PALM2AKAP2: variants seen among roughly 807,000 people sequenced by gnomAD.
PALM2AKAP2 encodes the protein PALM2-AKAP2 fusion protein.
PALM2AKAP2 carries 37 observed loss-of-function variants against 71.5 expected under a neutral mutation model. The observed-to-expected ratio is 0.52, with a 90% CI of 0.40 to 0.68. The LOEUF (loss-of-function observed/expected upper bound fraction) is 0.68. Among genes scored for constraint, PALM2AKAP2 ranks in the 30% least tolerant of loss-of-function variants. The probability of loss-of-function intolerance (pLI) is 0.00; values close to 1 mark genes in which losing one functional copy is unlikely to be tolerated. For synonymous variants in PALM2AKAP2, 468 were observed against 478.8 expected, an observed-to-expected ratio of 0.98 and a Z score of 0.29; for missense variants, 1,224 against 1,191.8, an observed-to-expected ratio of 1.03 and a Z score of -0.40.
At chr9:109,960,262 C>T (rs1831828854) in intron 6 of PALM2AKAP2, among the ~76,000 whole-genome samples, 2 of 152,352 alleles carry the variant, frequency 1.3e-5, no homozygotes, top group South Asian at 2.1e-4. Context: ...CTGCCCCCTG[C>T]ACCCACCCAC....
intron 5 of PALM2AKAP2, among the ~76,000 whole-genome samples, chr9:109,927,399 T>A (rs1374632187): frequency 6.6e-6 from 1 of 152,160 alleles, no homozygotes; most frequent in Non-Finnish European, 1.5e-5. Flanking sequence ...TAACCAGATA[T>A]TATTATAGAA....
At chr9:110,126,071 T>G (rs753361404) in intron 1 of PALM2AKAP2, among the ~76,000 whole-genome samples, 2 of 152,102 alleles carry the variant, frequency 1.3e-5, no homozygotes, top group Admixed American at 6.6e-5. Context: ...CTCACCACAT[T>G]CACAGGGTGG....
intron 1 of PALM2AKAP2, among the ~76,000 whole-genome samples, chr9:110,057,415 C>A (rs1422668420): frequency 7.0e-6 from 1 of 143,694 alleles, no homozygotes; most frequent in African/African-American, 2.6e-5. Flanking sequence ...CAGAGACTCG[C>A]TCTGCCATGC....
chr9:109,825,484 C>A (rs1249442280), intron 1 of PALM2AKAP2, among the ~76,000 whole-genome samples: 3 of 152,172 alleles, frequency 2.0e-5, no homozygotes, highest in Non-Finnish European at 4.4e-5. Context: ...GGCTAATATC[C>A]AGAATCTACA....
In PALM2AKAP2 at chr9:110,055,717, G is replaced by A. The variant is rs111835717; in HGVS notation, c.156+6862G>A. Among the ~76,000 whole-genome samples, 978 of 152,204 alleles carry A rather than the reference G, an allele frequency of 6.4e-3. 12 individuals carry two copies. Among genetic ancestry groups the A allele is most frequent in the South Asian group, 0.047 (224 of 4,816 alleles). ...GAGTATGGATAAACAGTGATGCTAG[G>A]GCAGTTTTTCCAGGGTTGTCAGAAA... On this transcript the variant is annotated intron_variant, in intron 1 of 3. Coordinates refer to ENST00000374525, the Ensembl canonical transcript of PALM2AKAP2.
At chr9:109,979,070 AC>A (rs1468735908) in intron 6 of PALM2AKAP2, among the ~76,000 whole-genome samples, 1 of 150,910 alleles carries the variant, frequency 6.6e-6, no homozygotes, top group Non-Finnish European at 1.5e-5. Flanking sequence ...GCTCACTGCA[AC>A]CTCCTCCGCC....
chr9:109,972,627 A>C (rs567806712), intron 6 of PALM2AKAP2, among the ~76,000 whole-genome samples: 137 of 152,292 alleles, frequency 9.0e-4, no homozygotes, highest in African/African-American at 3.2e-3. Flanking sequence ...GACCTCCCCT[A>C]ACCCCTGCCA....
At chr9:109,919,707 A>T (rs1830780327) in intron 3 of PALM2AKAP2, among the ~76,000 whole-genome samples, 1 of 144,240 alleles carries the variant, frequency 6.9e-6, no homozygotes, top group African/African-American at 2.6e-5. Flanking sequence ...TATTAGTAGG[A>T]TGTATATATA....
At chr9:109,775,654 A>C (rs1280551514), upstream of PALM2AKAP2, among the ~76,000 whole-genome samples, 1 of 152,246 alleles carries the variant, frequency 6.6e-6, no homozygotes, top group East Asian at 1.9e-4. Context: ...CATTCCTTTC[A>C]AAATTACTTT....
chr9:109,763,951 A>G (rs1829102193), intron 1 of PALM2AKAP2, among the ~76,000 whole-genome samples: 1 of 152,128 alleles, frequency 6.6e-6, no homozygotes, highest in Admixed American at 6.5e-5. Flanking sequence ...GATTTATCTC[A>G]ATATCCTTAA....
chr9:109,653,215 A>C (rs1827250484), intron 1 of PALM2AKAP2, among the ~76,000 whole-genome samples: 1 of 152,220 alleles, frequency 6.6e-6, no homozygotes, highest in Admixed American at 6.5e-5. Context: ...ATGATGGTGC[A>C]AAGTGGGATC....
chr9:109,913,690 G>A (rs140147907), intron 3 of PALM2AKAP2, among the ~76,000 whole-genome samples: 209 of 151,846 alleles, frequency 1.4e-3, no homozygotes, highest in Non-Finnish European at 2.2e-3. Flanking sequence ...GTATTAATTA[G>A]GATTCCATGT....
upstream of PALM2AKAP2, among the ~76,000 whole-genome samples, chr9:109,778,065 C>G (rs1829373102): frequency 6.6e-6 from 1 of 152,218 alleles, no homozygotes; most frequent in African/African-American, 2.4e-5. Flanking sequence ...AAATACAAAA[C>G]TTAAAATTTA....
intron 1 of PALM2AKAP2, among the ~76,000 whole-genome samples, chr9:109,861,861 A>G (rs967603332): frequency 2.0e-5 from 3 of 152,208 alleles, no homozygotes; most frequent in South Asian, 4.1e-4. Context: ...TTTTGCTTCT[A>G]TTGAAGTCAT....
intron 1 of PALM2AKAP2, among the ~76,000 whole-genome samples, chr9:109,812,109 G>A (rs982033496): frequency 2.6e-5 from 4 of 152,188 alleles, no homozygotes; most frequent in African/African-American, 4.8e-5. Context: ...TGGTCATAGG[G>A]GCAGAAACTG....
chr9:110,170,221 A>ATT (rs1836826698), exon 4 of PALM2AKAP2: 4 of 152,620 alleles, frequency 2.6e-5, no homozygotes, highest in African/African-American at 7.2e-5. Context: ...AAAAAAAAAT[A>ATT]AACAGCCTTC....
intron 6 of PALM2AKAP2, among the ~76,000 whole-genome samples, chr9:109,995,764 G>C (rs1183878174): frequency 6.6e-6 from 1 of 152,128 alleles, no homozygotes; most frequent in Admixed American, 6.5e-5. Flanking sequence ...ATTTGGGTGG[G>C]GACACTGCCA....
intron 6 of PALM2AKAP2, among the ~76,000 whole-genome samples, chr9:110,011,608 G>C (rs565449152): frequency 3.3e-4 from 51 of 152,318 alleles, no homozygotes; most frequent in Non-Finnish European, 6.9e-4. Context: ...GGCATTTTCA[G>C]ATGTATAAAC....
At chr9:110,166,067 C>T (rs75114831) in intron 3 of PALM2AKAP2, among the ~76,000 whole-genome samples, 1 of 152,300 alleles carries the variant, frequency 6.6e-6, no homozygotes, top group Non-Finnish European at 1.5e-5. Context: ...ATGTAGAGTT[C>T]TTTATAAAAC....
Sources: gnomAD v4.1 joint callset for allele counts (sites outside exome capture counted in the v4.1 genomes callset) on GRCh38, gnomAD v4.1.1 for gene constraint, MANE v1.5 for transcripts, NCBI Gene and HGNC (gene_info 2026-07-23, HGNC 2026-07-21) for gene names.